Variants in FMNL2 observed in about 807,000 individuals in gnomAD.
FMNL2 encodes the protein formin-like protein 2.
FMNL2 carries 51 observed loss-of-function variants against 130.2 expected under a neutral mutation model. The observed-to-expected ratio is 0.39, with a 90% CI of 0.31 to 0.49. FMNL2 has a LOEUF of 0.49. Ranked by LOEUF, FMNL2 falls within the 20% of genes least tolerant of loss-of-function variation. The pLI, the probability that FMNL2 is intolerant of heterozygous loss-of-function variation, is 0.85. For synonymous variants in FMNL2, 465 were observed against 467.1 expected, an observed-to-expected ratio of 1.00 and a Z score of 0.06; for missense variants, 977 against 1,316.2, an observed-to-expected ratio of 0.74 and a Z score of 3.99.
chr2:152,504,122 C>T (rs544594490), intron 1 of FMNL2, among the ~76,000 whole-genome samples: 56 of 152,278 alleles, frequency 3.7e-4, no homozygotes, highest in African/African-American at 1.1e-3. Flanking sequence ...ACATGGGAGG[C>T]GGAGGTTGCA....
At position 152,487,139 on chromosome 2, in the gene FMNL2, C is replaced by A. The variant is rs776280908; in HGVS notation, c.118-34804C>A. Among the ~76,000 whole-genome samples, 68 of 152,280 alleles carry A rather than the reference C, an allele frequency of 4.5e-4. 2 individuals are homozygous for A. The South Asian group carries it at 0.011, about 25-fold the overall frequency. Reference sequence around the variant, plus strand: ...GCATAAGTGTATTAACCTCTGATAACCTTCACATAAATCTTATATTCTACA... The same window carrying A: ...GCATAAGTGTATTAACCTCTGATAAACTTCACATAAATCTTATATTCTACA... On this transcript the variant is annotated intron_variant, in intron 1 of 25. Transcript: ENST00000288670.
chr2:152,335,602 A>T lies in FMNL2; in HGVS notation c.-2A>T. ...AGCCCCCGGCCCCGGCGCGCCGCCG[A>T]CATGGGCAACGCAGGGAGCATGGAT... On this transcript the variant is annotated 5_prime_UTR_variant, in exon 1 of 26. Coordinates refer to ENST00000288670, the MANE Select transcript of FMNL2 (RefSeq NM_052905.4). 1 of 1,584,032 alleles carries T rather than the reference A, an allele frequency of 6.3e-7. No homozygotes were observed. Among genetic ancestry groups the T allele is most frequent in the Non-Finnish European group, 8.6e-7 (1 of 1,165,248 alleles).
At chr2:152,589,932 G>C (rs1455876972) in intron 9 of FMNL2, among the ~76,000 whole-genome samples, 1 of 81,568 alleles carries the variant, frequency 1.2e-5, no homozygotes, top group South Asian at 3.9e-4. Context: ...ACCACACCTG[G>C]CTTTATACAT....
At chr2:152,560,806 C>T in intron 5 of FMNL2, 77 bp from the exon 6 acceptor site, 4 of 1,366,554 alleles carry the variant, frequency 2.9e-6, no homozygotes, top group Non-Finnish European at 3.9e-6. Context: ...CTTGTAGGAA[C>T]AGCAAGTTAT....
At chr2:152,565,645 C>T (rs77936147) in intron 6 of FMNL2, among the ~76,000 whole-genome samples, 5,719 of 152,208 alleles carry the variant, frequency 0.038, 223 homozygotes, top group East Asian at 0.19. Context: ...CCCATTGCAA[C>T]GGTTTATTTT....
intron 1 of FMNL2, among the ~76,000 whole-genome samples, chr2:152,509,125 G>A (rs1165839754): frequency 1.3e-5 from 2 of 152,174 alleles, no homozygotes; most frequent in Non-Finnish European, 2.9e-5. Flanking sequence ...CCACTGTGGT[G>A]TGAGAATATA....
chr2:152,462,475 C>T (rs919353991), intron 1 of FMNL2, among the ~76,000 whole-genome samples: 3 of 152,142 alleles, frequency 2.0e-5, no homozygotes, highest in South Asian at 2.1e-4. Flanking sequence ...CCTAGTCATT[C>T]GGAGTTTACA....
intron 1 of FMNL2, among the ~76,000 whole-genome samples, chr2:152,355,000 A>G (rs1183704004): frequency 6.6e-6 from 1 of 152,228 alleles, no homozygotes; most frequent in East Asian, 1.9e-4. Flanking sequence ...TAGTCAGCTT[A>G]GAATAGCATG....
intron 15 of FMNL2, chr2:152,621,009 G>A (rs1466582420): frequency 1.0e-6 from 1 of 985,234 alleles, no homozygotes; most frequent in African/African-American, 1.7e-5. Flanking sequence ...AGTCATCGTG[G>A]AACTGATGGA....
intron 9 of FMNL2, among the ~76,000 whole-genome samples, chr2:152,582,007 G>T (rs1696815529): frequency 6.6e-6 from 1 of 152,076 alleles, no homozygotes; most frequent in African/African-American, 2.4e-5. Flanking sequence ...ATATGCCGGG[G>T]CTATACCAGC....
chr2:152,436,996 G>C (rs1687805196), intron 1 of FMNL2, among the ~76,000 whole-genome samples: 2 of 152,160 alleles, frequency 1.3e-5, no homozygotes, highest in African/African-American at 4.8e-5. Context: ...CCAGCATCAA[G>C]GCACTGGCAG....
intron 4 of FMNL2, among the ~76,000 whole-genome samples, chr2:152,557,550 A>G (rs1335082241): frequency 6.6e-6 from 1 of 152,246 alleles, no homozygotes; most frequent in African/African-American, 2.4e-5. Context: ...AATGACCTTG[A>G]GGATGAAACA....
At chr2:152,397,045 A>G (rs1685431897) in intron 1 of FMNL2, among the ~76,000 whole-genome samples, 1 of 152,220 alleles carries the variant, frequency 6.6e-6, no homozygotes, top group Non-Finnish European at 1.5e-5. Flanking sequence ...GTCATCCTTT[A>G]AAATTGCAAT....
intron 1 of FMNL2, among the ~76,000 whole-genome samples, chr2:152,453,529 C>T (rs1360159475): frequency 6.6e-6 from 1 of 152,116 alleles, no homozygotes; most frequent in Non-Finnish European, 1.5e-5. Context: ...CCCCTGCTGC[C>T]CAGCCTTCTG....
At chr2:152,438,664 T>C (rs1687903101) in intron 1 of FMNL2, among the ~76,000 whole-genome samples, 1 of 152,132 alleles carries the variant, frequency 6.6e-6, no homozygotes, top group Non-Finnish European at 1.5e-5. Flanking sequence ...TGGCATCTAT[T>C]TTAGTGGCCA....
intron 1 of FMNL2, among the ~76,000 whole-genome samples, chr2:152,465,087 G>C (rs1689452966): frequency 6.6e-6 from 1 of 152,222 alleles, no homozygotes; most frequent in South Asian, 2.1e-4. Context: ...GCATCAACAA[G>C]AAACAAGTGC....
intron 2 of FMNL2, among the ~76,000 whole-genome samples, chr2:152,527,663 C>G (rs1460490614): frequency 6.6e-6 from 1 of 151,948 alleles, no homozygotes; most frequent in Admixed American, 6.6e-5. Context: ...AATATCACTA[C>G]GAACTCATGA....
At chr2:152,483,700 G>A (rs1276089310) in intron 1 of FMNL2, among the ~76,000 whole-genome samples, 3 of 152,226 alleles carry the variant, frequency 2.0e-5, no homozygotes, top group Admixed American at 6.5e-5. Context: ...CTGTGTCCAC[G>A]CTCTCCAGCT....
At chr2:152,586,023 A>G (rs1326478704) in intron 9 of FMNL2, among the ~76,000 whole-genome samples, 2 of 152,102 alleles carry the variant, frequency 1.3e-5, no homozygotes, top group African/African-American at 2.4e-5. Flanking sequence ...GAGTAATAAA[A>G]TCCTCTGAGG....
Sources: allele counts gnomAD v4.1 joint callset (sites outside exome capture counted in the v4.1 genomes callset), GRCh38; gene constraint gnomAD v4.1.1; transcripts MANE v1.5; gene names NCBI Gene and HGNC (gene_info 2026-07-23, HGNC 2026-07-21).